The following LINGO1 variants were observed in gnomAD, a reference collection of about 807,000 sequenced individuals.
The protein encoded by LINGO1 is leucine rich repeat and Ig domain containing 1, also known as leucine-rich repeat and immunoglobulin-like domain-containing nogo receptor-interacting protein 1.
In LINGO1, 11 loss-of-function variants were observed where a neutral mutation model predicts 37.3. The observed-to-expected ratio is 0.29, with a 90% CI of 0.19 to 0.49. The LOEUF is 0.49. Among genes scored for constraint, LINGO1 ranks in the 20% least tolerant of loss-of-function variants. LINGO1 has a pLI of 0.99. For missense variants in LINGO1, 585 were observed against 878.2 expected (o/e 0.67, Z 4.22); for synonymous variants, 387 against 403.0 (o/e 0.96, Z 0.48).
chr15:77,721,115 C>T lies in LINGO1; in HGVS notation c.-195+13877G>A, dbSNP rs370109361. Among the ~76,000 whole-genome samples, 10 of 152,258 alleles carry T rather than the reference C, an allele frequency of 6.6e-5. No homozygotes were observed. The East Asian group carries it at 7.7e-4, about 12-fold the overall frequency. On this transcript the variant is annotated intron_variant, in intron 2 of 3. Transcript: ENST00000561686. ...TCCACTCCTGACTCAAAGCCAAGGT[C>T]GTTTCCTCCTGTGACAGCCAGAAAT... is the stretch of plus-strand genomic sequence containing the variant.
chr15:77,637,578 C>T (rs560919973), upstream of LINGO1, among the ~76,000 whole-genome samples: 2 of 152,108 alleles, frequency 1.3e-5, no homozygotes, highest in Non-Finnish European at 2.9e-5. The surrounding 1 kb of genome is among the most constrained non-coding windows in gnomAD (Gnocchi z 4.6). Context: ...CATGGCTTAA[C>T]GTGTGGCTGG....
chr15:77,727,605 T>G (rs1381249892), intron 2 of LINGO1, among the ~76,000 whole-genome samples: 1 of 152,140 alleles, frequency 6.6e-6, no homozygotes, highest in Non-Finnish European at 1.5e-5. Context: ...GCGGTTGTTG[T>G]CCAGTGGATA....
At chr15:77,789,782 A>C (rs149212354), upstream of LINGO1, among the ~76,000 whole-genome samples, 2 of 147,200 alleles carry the variant, frequency 1.4e-5, no homozygotes, top group East Asian at 2.1e-4. Flanking sequence ...GGGTTTGGGG[A>C]TTTGGGGCTT....
At chr15:77,812,117 G>A (rs1210317853) in intron 1 of LINGO1, among the ~76,000 whole-genome samples, 1 of 152,160 alleles carries the variant, frequency 6.6e-6, no homozygotes, top group Non-Finnish European at 1.5e-5. Flanking sequence ...ATTCCACTGA[G>A]CCCTAGCTGC....
At chr15:77,776,534 G>GAGTA (rs2076654045) in intron 1 of LINGO1, among the ~76,000 whole-genome samples, 8 of 29,736 alleles carry the variant, frequency 2.7e-4, no homozygotes, top group East Asian at 7.7e-4. Flanking sequence ...GGAAGGGAGG[G>GAGTA]AGGGAGGGAG....
In LINGO1 at chr15:77,632,514, G is replaced by C. The variant is rs2074289431; in HGVS notation, c.-199C>G. ...GCGGGCGGGAGCCGAGCCGGAGCCGGGGCCGGGGCTCGGGAGTGGGGAGGC... is the reference window on the plus strand; with the variant it reads ...GCGGGCGGGAGCCGAGCCGGAGCCGCGGCCGGGGCTCGGGAGTGGGGAGGC... On this transcript the variant is annotated 5_prime_UTR_variant, in exon 1 of 2. Coordinates refer to ENST00000355300, the MANE Select transcript of LINGO1 (RefSeq NM_032808.7). This position sits in a 1 kb window ranked among gnomAD's most constrained non-coding sequence, Gnocchi z 6.0. 2.6e-6 allele frequency: 1 copy of C among 388,168 alleles called. No homozygotes were observed. Among genetic ancestry groups the C allele is most frequent in the African/African-American group, 2.1e-5 (1 of 46,866 alleles). The allele number at this position is 388,168 out of a possible 1,614,324, so 24.0% of individuals were successfully genotyped here.
At chr15:77,686,817 C>CCTGGGCCT (rs2075519118) in intron 2 of LINGO1, among the ~76,000 whole-genome samples, 1 of 152,226 alleles carries the variant, frequency 6.6e-6, no homozygotes, top group South Asian at 2.1e-4. Flanking sequence ...CTGCCAGTCC[C>CCTGGGCCT]CTGGGCCTCC....
chr15:77,622,204 G>A (rs1349193971), intron 1 of LINGO1, among the ~76,000 whole-genome samples: 1 of 152,168 alleles, frequency 6.6e-6, no homozygotes, highest in Non-Finnish European at 1.5e-5. Context: ...GAGAGCAGGA[G>A]AGGGAAAGAG....
chr15:77,754,237 G>C lies in LINGO1; in HGVS notation c.-256-19184C>G, dbSNP rs545936098. 1.3e-3 allele frequency among the ~76,000 whole-genome samples: 192 copies of C among 147,836 alleles called. 2 individuals carry two copies. Among genetic ancestry groups the C allele is most frequent in the African/African-American group, 4.6e-3 (184 of 40,388 alleles). Reference sequence around the variant, plus strand: ...GAAGGGAAGGAAAAGAGGAAAGGAGGAAGGGAGGGAGTGAGGGGGGAAGGG... The same window carrying C: ...GAAGGGAAGGAAAAGAGGAAAGGAGCAAGGGAGGGAGTGAGGGGGGAAGGG... On this transcript the variant is annotated intron_variant, in intron 1 of 3. Transcript: ENST00000561686.
intron 2 of LINGO1, among the ~76,000 whole-genome samples, chr15:77,725,556 C>T (rs916654157): frequency 6.6e-6 from 1 of 152,186 alleles, no homozygotes; most frequent in African/African-American, 2.4e-5. Context: ...GAGCAAGACC[C>T]TGTCTCCAAA....
At chr15:77,693,952 A>G (rs2075648042) in intron 1 of LINGO1, among the ~76,000 whole-genome samples, 1 of 152,200 alleles carries the variant, frequency 6.6e-6, no homozygotes, top group East Asian at 1.9e-4. Context: ...GTGTGTGTCC[A>G]GAGAGCAGAG....
At chr15:77,717,829 GGGGAAA>G (rs2076003114) in intron 2 of LINGO1, among the ~76,000 whole-genome samples, 1 of 150,848 alleles carries the variant, frequency 6.6e-6, no homozygotes, top group Non-Finnish European at 1.5e-5. Flanking sequence ...CCACTATGGT[GGGGAAA>G]GGCCCAGCCC....
chr15:77,803,375 G>C (rs117074255), intron 1 of LINGO1, among the ~76,000 whole-genome samples: 3 of 151,978 alleles, frequency 2.0e-5, no homozygotes, highest in African/African-American at 7.3e-5. Context: ...TTGAGCCCAG[G>C]AGTCTGAAGC....
chr15:77,756,175 C>A (rs1312260987), intron 1 of LINGO1, among the ~76,000 whole-genome samples: 1 of 152,174 alleles, frequency 6.6e-6, no homozygotes, highest in Admixed American at 6.5e-5. Flanking sequence ...CCCATCCAGC[C>A]CACTTTCTTC....
chr15:77,664,043 G>A (rs2075058454), intron 3 of LINGO1, among the ~76,000 whole-genome samples: 2 of 152,154 alleles, frequency 1.3e-5, no homozygotes, highest in South Asian at 2.1e-4. Context: ...AGCATCTGCT[G>A]GGGAAGGTGG....
chr15:77,776,251 C>A (rs889826206), intron 1 of LINGO1, among the ~76,000 whole-genome samples: 2 of 152,076 alleles, frequency 1.3e-5, no homozygotes, highest in Non-Finnish European at 2.9e-5. Context: ...GAGGTCATCA[C>A]AACCACAAAT....
intron 2 of LINGO1, among the ~76,000 whole-genome samples, chr15:77,719,493 C>T (rs2076023671): frequency 6.7e-6 from 1 of 149,884 alleles, no homozygotes; most frequent in South Asian, 2.2e-4. Context: ...CTGGCATGGA[C>T]ATGAGGACGG....
At chr15:77,716,319 C>T (rs1254332695) in intron 2 of LINGO1, among the ~76,000 whole-genome samples, 1 of 133,374 alleles carries the variant, frequency 7.5e-6, no homozygotes, top group African/African-American at 2.7e-5. Context: ...CTCACTCTGT[C>T]ACCCAGGCTG....
At chr15:77,685,358 C>A (rs1358137765) in intron 2 of LINGO1, among the ~76,000 whole-genome samples, 2 of 152,066 alleles carry the variant, frequency 1.3e-5, no homozygotes, top group Non-Finnish European at 1.5e-5. Flanking sequence ...CACCTGTGGA[C>A]CAATAACCCA....
Sources: allele counts gnomAD v4.1 joint callset (sites outside exome capture counted in the v4.1 genomes callset), GRCh38; gene constraint gnomAD v4.1.1; non-coding constraint Gnocchi (gnomAD v3.1); transcripts MANE v1.5; gene names NCBI Gene and HGNC (gene_info 2026-07-23, HGNC 2026-07-21).